Variants in OSBPL8 observed in about 807,000 individuals in gnomAD.
OSBPL8 encodes oxysterol-binding protein-related protein 8.
A neutral mutation model predicts 125.5 loss-of-function variants in OSBPL8; 59 were observed. That is an observed-to-expected ratio of 0.47 (90% CI 0.38 to 0.58). The LOEUF (loss-of-function observed/expected upper bound fraction) is 0.58, where lower values mean the gene tolerates loss of function less well. Ranked by LOEUF, OSBPL8 falls within the 20% of genes least tolerant of loss-of-function variation. The pLI is 0.00. For synonymous variants in OSBPL8, 330 were observed against 338.9 expected (o/e 0.97, Z 0.29); for missense variants, 758 against 1,047.8 (o/e 0.72, Z 3.82).
chr12:76,458,140 C>A (rs1874284243), intron 3 of OSBPL8, among the ~76,000 whole-genome samples: 2 of 151,888 alleles, frequency 1.3e-5, no homozygotes, highest in South Asian at 4.2e-4. Flanking sequence ...TTTAGCTGGG[C>A]ACACGCTTGT....
intron 1 of OSBPL8, among the ~76,000 whole-genome samples, chr12:76,515,770 G>A (rs1005653388): frequency 6.6e-6 from 1 of 151,944 alleles, no homozygotes; most frequent in Non-Finnish European, 1.5e-5. Context: ...TTCTCCATGG[G>A]TAGAGTTGTT....
At chr12:76,384,646 C>T (rs541088561) in intron 14 of OSBPL8, among the ~76,000 whole-genome samples, 204 of 152,256 alleles carry the variant, frequency 1.3e-3, no homozygotes, top group Admixed American at 2.2e-3. Flanking sequence ...AAAGCACCTT[C>T]CATGCTGGGG....
chr12:76,499,244 C>T (rs532194023), intron 1 of OSBPL8, among the ~76,000 whole-genome samples: 17 of 152,200 alleles, frequency 1.1e-4, no homozygotes, highest in African/African-American at 3.9e-4. Flanking sequence ...ATCCTTGCTC[C>T]TCAGCCTGCA....
At chr12:76,411,598 C>A (rs964152368) in intron 4 of OSBPL8, among the ~76,000 whole-genome samples, 17 of 151,656 alleles carry the variant, frequency 1.1e-4, no homozygotes, top group Non-Finnish European at 1.9e-4. Context: ...AAAAACTGTT[C>A]CATTTTCTTA....
At chr12:76,500,709 T>C (rs1458899146) in intron 1 of OSBPL8, among the ~76,000 whole-genome samples, 1 of 152,260 alleles carries the variant, frequency 6.6e-6, no homozygotes, top group Non-Finnish European at 1.5e-5. Flanking sequence ...AATTTAAAGA[T>C]TTTCCTTCTT....
At chr12:76,364,532 G>C (rs550855833) in intron 21 of OSBPL8, among the ~76,000 whole-genome samples, 1 of 152,136 alleles carries the variant, frequency 6.6e-6, no homozygotes, top group Non-Finnish European at 1.5e-5. Flanking sequence ...GATAGCATTA[G>C]GAGAAATACC....
intron 3 of OSBPL8, among the ~76,000 whole-genome samples, chr12:76,451,425 T>C (rs1873401130): frequency 6.6e-6 from 1 of 152,154 alleles, no homozygotes; most frequent in Admixed American, 6.5e-5. Context: ...ACTAGCAGTA[T>C]AAAATAATAT....
intron 2 of OSBPL8, among the ~76,000 whole-genome samples, chr12:76,465,492 G>A (rs1875301877): frequency 2.0e-5 from 3 of 152,082 alleles, no homozygotes; most frequent in Admixed American, 6.5e-5. Flanking sequence ...CCCGGGAGGC[G>A]GAGCTTACAG....
At chr12:76,518,485 G>A (rs1222096417) in intron 1 of OSBPL8, among the ~76,000 whole-genome samples, 1 of 152,184 alleles carries the variant, frequency 6.6e-6, no homozygotes, top group African/African-American at 2.4e-5. Context: ...GGTCTGGAGG[G>A]TGGTGGCCCA....
At chr12:76,544,587 G>A (rs888590489) in intron 1 of OSBPL8, among the ~76,000 whole-genome samples, 2 of 152,150 alleles carry the variant, frequency 1.3e-5, no homozygotes, top group Non-Finnish European at 2.9e-5. Context: ...AGACATGCCT[G>A]ATACCTGACT....
intron 21 of OSBPL8, among the ~76,000 whole-genome samples, chr12:76,364,122 A>T (rs542459084): frequency 6.6e-6 from 1 of 152,334 alleles, no homozygotes; most frequent in African/African-American, 2.4e-5. Context: ...AACTGGAAAT[A>T]ACATTTGACC....
rs1432377652 is a variant in OSBPL8 at position 76,421,401 on chromosome 12, G to A, written c.218-10767C>T. ...GCTATTTAAAGCTTATACTACTTAG[G>A]GAGAGTTCAGGACTATGGTTTCCAA... On this transcript the variant is annotated intron_variant, in intron 4 of 23. Transcript: ENST00000261183. Among the ~76,000 whole-genome samples, 7 of 151,932 alleles carry A rather than the reference G, an allele frequency of 4.6e-5. No homozygotes were observed. The East Asian group carries it at 1.3e-3, about 29-fold the overall frequency.
At chr12:76,551,556 T>G (rs1159753062) in intron 1 of OSBPL8, among the ~76,000 whole-genome samples, 2 of 152,208 alleles carry the variant, frequency 1.3e-5, no homozygotes, top group African/African-American at 4.8e-5. Flanking sequence ...TTCCTCATTC[T>G]TATCATGGTG....
At chr12:76,403,186 CCTT>C (rs1954123012) in intron 5 of OSBPL8, among the ~76,000 whole-genome samples, 1 of 152,212 alleles carries the variant, frequency 6.6e-6, no homozygotes, top group Non-Finnish European at 1.5e-5. Flanking sequence ...TTCTACTCCT[CCTT>C]CAATAGGAAG....
intron 1 of OSBPL8, among the ~76,000 whole-genome samples, chr12:76,542,066 G>A (rs898256425): frequency 2.0e-5 from 3 of 152,248 alleles, no homozygotes; most frequent in African/African-American, 7.2e-5. Context: ...AGCTACACGG[G>A]AGGCTGAGGC....
At chr12:76,399,198 G>A (rs575718234) in intron 7 of OSBPL8, among the ~76,000 whole-genome samples, 134 of 152,288 alleles carry the variant, frequency 8.8e-4, no homozygotes, top group African/African-American at 3.2e-3. Context: ...TATGAGGTCA[G>A]AGGCCTTAGT....
At chr12:76,519,003 T>C (rs1881817179) in intron 1 of OSBPL8, among the ~76,000 whole-genome samples, 1 of 152,216 alleles carries the variant, frequency 6.6e-6, no homozygotes, top group African/African-American at 2.4e-5. Context: ...TGCTAATCAC[T>C]CTAGCAAGTG....
intron 2 of OSBPL8, among the ~76,000 whole-genome samples, chr12:76,475,017 G>C (rs1876631325): frequency 6.6e-6 from 1 of 152,172 alleles, no homozygotes; most frequent in Non-Finnish European, 1.5e-5. Context: ...AGAAAGACAG[G>C]TAGAGATTTG....
intron 4 of OSBPL8, chr12:76,423,351 C>A (rs1869745697): frequency 6.6e-6 from 1 of 152,170 alleles, no homozygotes; most frequent in African/African-American, 2.4e-5. Flanking sequence ...AACCAATCAA[C>A]AGAGGAGATT....
Sources: allele counts gnomAD v4.1 joint callset (sites outside exome capture counted in the v4.1 genomes callset), GRCh38; gene constraint gnomAD v4.1.1; transcripts MANE v1.5; gene names NCBI Gene and HGNC (gene_info 2026-07-23, HGNC 2026-07-21).